Variants in ANAPC10 observed in about 807,000 individuals in gnomAD.
ANAPC10 encodes anaphase-promoting complex subunit 10.
ANAPC10 carries 12 observed loss-of-function variants against 22.0 expected under a neutral mutation model. The observed-to-expected ratio is 0.55, with a 90% CI of 0.35 to 0.88. ANAPC10 has a LOEUF of 0.88. Among genes scored for constraint, ANAPC10 ranks in the 40% least tolerant of loss-of-function variants. The pLI is 0.01. For missense variants in ANAPC10, 188 were observed against 220.9 expected (o/e 0.85, Z 0.94); for synonymous variants, 65 against 69.5 (o/e 0.94, Z 0.32).
At chr4:145,029,300 T>A (rs917365131) in intron 4 of ANAPC10, among the ~76,000 whole-genome samples, 6 of 152,104 alleles carry the variant, frequency 3.9e-5, no homozygotes, top group African/African-American at 1.4e-4. Flanking sequence ...AAGCAACAGT[T>A]ATGATCTGAG....
intron 4 of ANAPC10, among the ~76,000 whole-genome samples, chr4:145,030,449 T>C (rs1288506682): frequency 6.6e-6 from 1 of 152,198 alleles, no homozygotes; most frequent in African/African-American, 2.4e-5. Flanking sequence ...ATCAGGCATT[T>C]TGGGGACTAC....
intron 4 of ANAPC10, among the ~76,000 whole-genome samples, chr4:145,011,393 C>A (rs75536592): frequency 5.6e-5 from 5 of 89,840 alleles, no homozygotes; most frequent in Admixed American, 1.3e-4. Flanking sequence ...AAATAAAATT[C>A]AAGAGGATGG....
Sources: allele counts gnomAD v4.1 joint callset (sites outside exome capture counted in the v4.1 genomes callset), GRCh38; gene constraint gnomAD v4.1.1; transcripts MANE v1.5; gene names NCBI Gene and HGNC (gene_info 2026-07-23, HGNC 2026-07-21).